Variants in GTF2IRD1 observed in about 807,000 individuals in gnomAD.
The protein encoded by GTF2IRD1 is GTF2I repeat domain containing 1, also known as general transcription factor II-I repeat domain-containing protein 1.
GTF2IRD1 carries 26 observed loss-of-function variants against 113.2 expected under a neutral mutation model. The ratio of observed to expected loss-of-function variants is 0.23; its 90% CI spans 0.17 to 0.32. GTF2IRD1 has a LOEUF of 0.32. GTF2IRD1 is among the 10% of genes least tolerant of loss of function. GTF2IRD1 has a pLI of 1.00. For synonymous variants in GTF2IRD1, 484 were observed against 529.1 expected, an observed-to-expected ratio of 0.91 and a Z score of 1.17; for missense variants, 864 against 1,280.8, an observed-to-expected ratio of 0.67 and a Z score of 4.97.
In GTF2IRD1 at chr7:74,520,979, G is replaced by A. The variant is rs1245942979; in HGVS notation, c.917-229G>A. On this transcript the variant is annotated intron_variant, in intron 6 of 26. Coordinates refer to ENST00000424337, the MANE Select transcript of GTF2IRD1 (RefSeq NM_005685.4). The stretch of plus-strand genomic sequence containing the variant: ...TTCTTACCTGGAAAAGGTAACCTCC[G>A]ACATCCCTTTCTTGTTAACCTGGCT... Among the ~76,000 whole-genome samples, 10 of 151,504 alleles carry A rather than the reference G, an allele frequency of 6.6e-5. No individual in the cohort carries two copies. In the East Asian group the frequency reaches 9.7e-4, roughly 15 times the overall value.
rs1453179555 is a variant in GTF2IRD1, at chr7:74,588,796, T to G, written c.2321-1055T>G. Among the ~76,000 whole-genome samples the G allele has an allele frequency of 7.2e-5, 11 of 152,208 alleles. No individual in the cohort carries two copies. The East Asian group carries it at 1.7e-3, about 24-fold the overall frequency. On this transcript the variant is annotated intron_variant, in intron 22 of 26. Transcript: ENST00000424337. ...ATCTGCCTGCCTCTGCCTCCCAAAG[T>G]GCTGGGATTATAGGCATGAGCCACC...
chr7:74,536,100 C>G, intron 10 of GTF2IRD1, 67 bp from the exon 11 acceptor site: 2 of 1,006,996 alleles, frequency 2.0e-6, no homozygotes, highest in Non-Finnish European at 3.2e-6. Flanking sequence ...CAGACCTTTA[C>G]CCAGGGGCTC....
intron 1 of GTF2IRD1, among the ~76,000 whole-genome samples, chr7:74,486,896 A>G (rs1443608535): frequency 2.0e-5 from 3 of 152,154 alleles, no homozygotes; most frequent in Non-Finnish European, 2.9e-5. Flanking sequence ...GGCGTGGGGA[A>G]GATCCCTTGA....
chr7:74,496,052 A>G (rs1306629740), intron 1 of GTF2IRD1, among the ~76,000 whole-genome samples: 1 of 124,100 alleles, frequency 8.1e-6, no homozygotes, highest in Non-Finnish European at 1.5e-5. Context: ...GTGTGCACAC[A>G]TGTGTCTGTA....
chr7:74,588,504 G>A (rs1240275522), intron 22 of GTF2IRD1, among the ~76,000 whole-genome samples: 1 of 151,904 alleles, frequency 6.6e-6, no homozygotes, highest in Non-Finnish European at 1.5e-5. Flanking sequence ...ACTCCTACCT[G>A]CCTTTTTGGA....
chr7:74,602,603 AAAG>A (rs1802821859), exon 27 of GTF2IRD1: 4 of 515,424 alleles, frequency 7.8e-6, no homozygotes, highest in South Asian at 3.0e-5. Context: ...AAAAAAAAAA[AAAG>A]AGTGTTGCCT....
chr7:74,563,413 A>G (rs1800099116), intron 22 of GTF2IRD1, among the ~76,000 whole-genome samples: 1 of 151,816 alleles, frequency 6.6e-6, no homozygotes, highest in African/African-American at 2.4e-5. Flanking sequence ...CCCCGTCTCT[A>G]CTAAAAATAA....
chr7:74,504,617 A>G (rs73364455), intron 1 of GTF2IRD1, among the ~76,000 whole-genome samples: 11,174 of 151,366 alleles, frequency 0.074, 1,266 homozygotes, highest in African/African-American at 0.25. Flanking sequence ...TGAGGCCTGG[A>G]GCTAGTGCCT....
intron 19 of GTF2IRD1, among the ~76,000 whole-genome samples, chr7:74,556,204 AT>A (rs1554356803): frequency 6.6e-6 from 1 of 151,396 alleles, no homozygotes; most frequent in Non-Finnish European, 1.5e-5. Context: ...GTGAGCCGAG[AT>A]CATGCCACTG....
At chr7:74,471,690 CAAA>C (rs1195034410) in intron 1 of GTF2IRD1, among the ~76,000 whole-genome samples, 5 of 40,340 alleles carry the variant, frequency 1.2e-4, no homozygotes, top group Non-Finnish European at 2.1e-4. Context: ...AAAAAAAAAA[CAAA>C]AAAAAAAACA....
intron 25 of GTF2IRD1, among the ~76,000 whole-genome samples, chr7:74,596,448 AG>A (rs1408381465): frequency 2.0e-5 from 3 of 148,434 alleles, no homozygotes; most frequent in Non-Finnish European, 4.5e-5. Flanking sequence ...CAACAGAGCA[AG>A]ACTCTGTCTC....
chr7:74,596,304 T>C (rs1802405968), intron 25 of GTF2IRD1, among the ~76,000 whole-genome samples: 1 of 151,462 alleles, frequency 6.6e-6, no homozygotes, highest in Non-Finnish European at 1.5e-5. Context: ...CTATTAAAAA[T>C]ACAAAAATTA....
At chr7:74,594,582 T>A (rs1802290392) in intron 24 of GTF2IRD1, among the ~76,000 whole-genome samples, 1 of 152,080 alleles carries the variant, frequency 6.6e-6, no homozygotes, top group Admixed American at 6.6e-5. Context: ...CCATTTTTAT[T>A]TGGGTCTTAC....
chr7:74,532,638 C>T (rs184668409), intron 9 of GTF2IRD1, among the ~76,000 whole-genome samples: 80 of 152,104 alleles, frequency 5.3e-4, no homozygotes, highest in African/African-American at 1.8e-3. Context: ...AGAAAGGAAG[C>T]CAGTTTTCCC....
chr7:74,561,600 G>C (rs1799971700), intron 22 of GTF2IRD1, among the ~76,000 whole-genome samples: 1 of 151,972 alleles, frequency 6.6e-6, no homozygotes, highest in African/African-American at 2.4e-5. Flanking sequence ...GCTCTCGGAG[G>C]GGCAGAGTGG....
chr7:74,597,919 A>C (rs1802522142), intron 25 of GTF2IRD1, among the ~76,000 whole-genome samples: 1 of 152,130 alleles, frequency 6.6e-6, no homozygotes, highest in Non-Finnish European at 1.5e-5. Context: ...CCTGAGACCC[A>C]AGGCCCTGAC....
chr7:74,480,968 C>T (rs966362148), intron 1 of GTF2IRD1, among the ~76,000 whole-genome samples: 1 of 152,018 alleles, frequency 6.6e-6, no homozygotes, highest in Non-Finnish European at 1.5e-5. Context: ...GGCCTCAGAT[C>T]GGCTTCCCCC....
intron 1 of GTF2IRD1, among the ~76,000 whole-genome samples, chr7:74,465,737 G>T (rs1198121946): frequency 1.3e-5 from 2 of 151,814 alleles, no homozygotes; most frequent in East Asian, 3.9e-4. Flanking sequence ...CCCTCTGTCC[G>T]TGGGGTGTGG....
intron 22 of GTF2IRD1, among the ~76,000 whole-genome samples, chr7:74,583,687 G>A (rs1801560301): frequency 6.6e-6 from 1 of 151,916 alleles, no homozygotes; most frequent in Non-Finnish European, 1.5e-5. Context: ...GTATCCTATC[G>A]ACTGCCCCGT....
Sources: gnomAD v4.1 joint callset for allele counts (sites outside exome capture counted in the v4.1 genomes callset) on GRCh38, gnomAD v4.1.1 for gene constraint, MANE v1.5 for transcripts, NCBI Gene and HGNC (gene_info 2026-07-23, HGNC 2026-07-21) for gene names.